Variants in FCHSD2 observed in about 807,000 individuals in gnomAD.
FCHSD2 encodes F-BAR and double SH3 domains protein 2.
Under a neutral mutation model 108.1 loss-of-function variants are expected in FCHSD2, and 38 were observed. That is an observed-to-expected ratio of 0.35 (90% CI 0.27 to 0.46). FCHSD2 has a LOEUF of 0.46. Among genes scored for constraint, FCHSD2 ranks in the 20% least tolerant of loss-of-function variants. The pLI, the probability that FCHSD2 is intolerant of heterozygous loss-of-function variation, is 1.00. For synonymous variants in FCHSD2, 279 were observed against 314.7 expected (o/e 0.89, Z 1.20); for missense variants, 751 against 897.8 (o/e 0.84, Z 2.09).
rs576568698 is a variant in FCHSD2, at chr11:72,849,829, C to G, written c.1369G>C (p.Asp457His). 6.2e-7 allele frequency: 1 copy of G among 1,612,732 alleles called. No homozygotes were observed. Among genetic ancestry groups the G allele is most frequent in the Non-Finnish European group, 8.5e-7 (1 of 1,178,782 alleles). The change falls in exon 14 of 20, where the codon GAT becomes CAT. Residue 457 changes from aspartate to histidine, a missense_variant. Coordinates refer to ENST00000409418, the MANE Select transcript of FCHSD2 (RefSeq NM_014824.3). The part of the protein sequence containing the change: ...EEFEDNMDVF[D>H]DSSSSPSGTL... The stretch of plus-strand genomic sequence containing the variant: ...CCAGAAGGGCTGGAACTGCTGTCAT[C>G]GAAAACATCCATGTTATCTTCAAAC...
At chr11:73,086,861 T>C (rs1343155228) in intron 2 of FCHSD2, among the ~76,000 whole-genome samples, 1 of 152,206 alleles carries the variant, frequency 6.6e-6, no homozygotes, top group Non-Finnish European at 1.5e-5. Flanking sequence ...TACAATGAAA[T>C]ATTATTCAGC....
At chr11:72,904,856 A>C (rs897250401) in intron 9 of FCHSD2, among the ~76,000 whole-genome samples, 2 of 152,164 alleles carry the variant, frequency 1.3e-5, no homozygotes, top group African/African-American at 4.8e-5. Flanking sequence ...TTTGTTCTGT[A>C]GAGTTTCCTG....
Position 73,001,142 on chromosome 11 carries a change from C to A in FCHSD2, c.243-8G>T. The A allele has an allele frequency of 6.2e-7, 1 of 1,611,652 alleles. No individual in the cohort carries two copies. The highest frequency in any genetic ancestry group is 1.1e-5 in the South Asian group (1 of 90,422). On this transcript the variant is annotated splice_region_variant and splice_polypyrimidine_tract_variant and intron_variant, in intron 4 of 19. Coordinates refer to ENST00000409418, the MANE Select transcript of FCHSD2 (RefSeq NM_014824.3). ...CAAACGGGATACATGCTCCTAAATT[C>A]AAAGAGGGATAGAAAAGCATTAGGC...
intron 8 of FCHSD2, among the ~76,000 whole-genome samples, chr11:72,958,421 G>C (rs181452832): frequency 6.6e-6 from 1 of 152,300 alleles, no homozygotes; most frequent in Non-Finnish European, 1.5e-5. Context: ...GGGAGGCTGA[G>C]GCAGGAGAAT....
chr11:72,914,717 A>G (rs1855835682), intron 9 of FCHSD2, among the ~76,000 whole-genome samples: 1 of 152,180 alleles, frequency 6.6e-6, no homozygotes, highest in Non-Finnish European at 1.5e-5. Flanking sequence ...TCCTTACACC[A>G]TATACAAAAG....
At chr11:72,852,405 T>C (rs1230560432) in intron 13 of FCHSD2, among the ~76,000 whole-genome samples, 1 of 152,120 alleles carries the variant, frequency 6.6e-6, no homozygotes, top group African/African-American at 2.4e-5. Flanking sequence ...CATTCTACTA[T>C]AAAGACACAT....
At chr11:72,964,791 T>G (rs1856875381) in intron 8 of FCHSD2, among the ~76,000 whole-genome samples, 1 of 143,408 alleles carries the variant, frequency 7.0e-6, no homozygotes, top group African/African-American at 2.6e-5. Context: ...TCATTTCACT[T>G]TTTTTTTTTT....
At chr11:72,993,036 T>G (rs1377007287) in intron 5 of FCHSD2, among the ~76,000 whole-genome samples, 2 of 152,140 alleles carry the variant, frequency 1.3e-5, no homozygotes, top group Non-Finnish European at 2.9e-5. Flanking sequence ...AACCAGAATC[T>G]ACAATGAACT....
chr11:73,078,042 G>A (rs772161210), intron 3 of FCHSD2, among the ~76,000 whole-genome samples: 5 of 152,088 alleles, frequency 3.3e-5, no homozygotes, highest in Non-Finnish European at 7.4e-5. Context: ...TTATATGGAT[G>A]TGTTTGCCTT....
chr11:73,108,316 G>A (rs1429992152), intron 2 of FCHSD2, among the ~76,000 whole-genome samples: 1 of 152,200 alleles, frequency 6.6e-6, no homozygotes, highest in Non-Finnish European at 1.5e-5. Context: ...TCCCTGGTAA[G>A]ATAAAGAGTT....
chr11:72,909,515 G>A (rs946864277), intron 9 of FCHSD2, among the ~76,000 whole-genome samples: 23 of 151,196 alleles, frequency 1.5e-4, no homozygotes, highest in Admixed American at 1.2e-3. Context: ...GATGTGAGGA[G>A]CCCCTCTGCC....
At chr11:73,063,149 A>G (rs1488853548) in intron 3 of FCHSD2, among the ~76,000 whole-genome samples, 1 of 152,232 alleles carries the variant, frequency 6.6e-6, no homozygotes, top group Admixed American at 6.5e-5. Context: ...TTCTTAAAGA[A>G]AAGAATTTTC....
intron 3 of FCHSD2, among the ~76,000 whole-genome samples, chr11:73,048,567 C>T (rs1210845763): frequency 6.6e-6 from 1 of 152,214 alleles, no homozygotes; most frequent in Non-Finnish European, 1.5e-5. Flanking sequence ...GTATCCTTCA[C>T]ATATCTTTCA....
chr11:72,857,915 G>T (rs781208684), intron 13 of FCHSD2, among the ~76,000 whole-genome samples: 2 of 152,122 alleles, frequency 1.3e-5, no homozygotes, highest in Non-Finnish European at 2.9e-5. Context: ...GGGTTTGAAT[G>T]TTGACTATGT....
chr11:73,116,244 A>G (rs1411856656), intron 2 of FCHSD2, among the ~76,000 whole-genome samples: 1 of 152,182 alleles, frequency 6.6e-6, no homozygotes, highest in Non-Finnish European at 1.5e-5. Context: ...ATAAAAACCC[A>G]ATTTCATTAT....
chr11:72,968,524 T>C (rs1327393513), intron 8 of FCHSD2, among the ~76,000 whole-genome samples: 3 of 152,224 alleles, frequency 2.0e-5, no homozygotes, highest in African/African-American at 7.2e-5. Context: ...CTGTGGCACA[T>C]GTATCTTAAT....
chr11:72,882,099 C>A (rs1219521858), intron 12 of FCHSD2, among the ~76,000 whole-genome samples: 2 of 151,498 alleles, frequency 1.3e-5, no homozygotes, highest in East Asian at 1.9e-4. Context: ...GAGCCGAAAT[C>A]GCGCCACTGC....
intron 5 of FCHSD2, among the ~76,000 whole-genome samples, chr11:72,993,638 C>T (rs1045016725): frequency 1.4e-4 from 22 of 152,152 alleles, no homozygotes; most frequent in Admixed American, 9.8e-4. Flanking sequence ...AACCATCATT[C>T]TCAGCAGACT....
chr11:72,928,510 T>A (rs1027873152), intron 8 of FCHSD2, among the ~76,000 whole-genome samples: 25 of 152,356 alleles, frequency 1.6e-4, no homozygotes, highest in African/African-American at 5.0e-4. Flanking sequence ...ACTTAAATAC[T>A]TAAATGATAA....
Sources: allele counts gnomAD v4.1 joint callset (sites outside exome capture counted in the v4.1 genomes callset), GRCh38; gene constraint gnomAD v4.1.1; transcripts MANE v1.5; gene names NCBI Gene and HGNC (gene_info 2026-07-23, HGNC 2026-07-21).